Variants in ABCB7 observed in about 807,000 individuals in gnomAD.
The protein encoded by ABCB7 is ATP binding cassette subfamily B member 7.
ABCB7 carries 7 observed loss-of-function variants against 54.4 expected under a neutral mutation model. The observed-to-expected ratio is 0.13, with a 90% CI of 0.07 to 0.24. The LOEUF is 0.24. ABCB7 is among the 10% of genes least tolerant of loss of function. The pLI is 1.00. For missense variants in ABCB7, 356 were observed against 570.4 expected (o/e 0.62, Z 3.83); for synonymous variants, 218 against 207.1 (o/e 1.05, Z -0.45).
intron 4 of ABCB7, among the ~76,000 whole-genome samples, chrX:75,096,178 T>C (rs1244448626): frequency 7.1e-5 from 8 of 112,361 alleles, no homozygotes; most frequent in South Asian, 3.7e-4. Context: ...AACAATACTA[T>C]GCTAAAAATG....
At chrX:75,149,553 T>C (rs761767816) in intron 1 of ABCB7, among the ~76,000 whole-genome samples, 16 of 111,964 alleles carry the variant, frequency 1.4e-4, no homozygotes, top group Non-Finnish European at 3.0e-4. Context: ...TTTGGTTTGG[T>C]TATAGAGTTT....
At chrX:75,151,272 C>T (rs1224646226) in intron 1 of ABCB7, among the ~76,000 whole-genome samples, 1 of 111,570 alleles carries the variant, frequency 9.0e-6, no homozygotes, top group African/African-American at 3.3e-5. Context: ...AATTCCTCTT[C>T]TCAAGTCCCA....
chrX:75,137,882 A>G (rs922858636), intron 1 of ABCB7, among the ~76,000 whole-genome samples: 9 of 111,559 alleles, frequency 8.1e-5, no homozygotes, highest in African/African-American at 2.9e-4. Flanking sequence ...AGGGTAGACA[A>G]TGGGAGGAGG....
At chrX:75,056,931 A>C (rs1330545733) in intron 15 of ABCB7, among the ~76,000 whole-genome samples, 2 of 111,784 alleles carry the variant, frequency 1.8e-5, no homozygotes, top group Non-Finnish European at 1.9e-5. Flanking sequence ...AATATATTCC[A>C]CTAAGGGTAT....
At chrX:75,141,954 T>A (rs1236796879) in intron 1 of ABCB7, among the ~76,000 whole-genome samples, 1 of 111,718 alleles carries the variant, frequency 9.0e-6, no homozygotes, top group African/African-American at 3.3e-5. Flanking sequence ...AGCAACAAAA[T>A]ATATAATTAA....
At chrX:75,124,118 T>C (rs1021656847) in intron 1 of ABCB7, among the ~76,000 whole-genome samples, 4 of 111,903 alleles carry the variant, frequency 3.6e-5, no homozygotes, top group Non-Finnish European at 7.5e-5. Flanking sequence ...CTGCTCTAAA[T>C]AATTTCTAAC....
chrX:75,151,434 A>G (rs1050057698), intron 1 of ABCB7, among the ~76,000 whole-genome samples: 6 of 111,472 alleles, frequency 5.4e-5, no homozygotes, highest in Admixed American at 4.8e-4. Context: ...TTTCCTCCAC[A>G]CTACTTCCAT....
Position 75,121,186 on chromosome X carries a change from G to A in ABCB7, c.169-6355C>T, listed in dbSNP as rs763296154. ...TGCCTGTAATCCCAGCTACTCTGGT[G>A]GCTGAGGCAGGAGAATCACTTTAAC... On this transcript the variant is annotated intron_variant, in intron 1 of 15. Transcript: ENST00000373394. 1.1e-4 allele frequency among the ~76,000 whole-genome samples: 12 copies of A among 108,972 alleles called. No homozygotes were observed. In the East Asian group the frequency reaches 2.3e-3, roughly 21 times the overall value. The allele number at this position is 108,972 out of a possible 115,157, so 94.6% of individuals were successfully genotyped here. A position where few individuals can be genotyped will look rare whatever the true frequency, so the allele number is the denominator to read the frequency against.
intron 4 of ABCB7, among the ~76,000 whole-genome samples, chrX:75,095,277 T>G (rs2081581042): frequency 9.0e-6 from 1 of 111,521 alleles, no homozygotes; most frequent in Non-Finnish European, 1.9e-5. Context: ...TGCACTAAAA[T>G]CCCCAGAATA....
intron 1 of ABCB7, among the ~76,000 whole-genome samples, chrX:75,117,719 G>A (rs773586400): frequency 2.7e-5 from 3 of 111,524 alleles, no homozygotes; most frequent in African/African-American, 9.8e-5. Flanking sequence ...GGGATATGGG[G>A]ACTTTTTTCC....
intron 4 of ABCB7, among the ~76,000 whole-genome samples, chrX:75,087,980 G>C (rs1249468769): frequency 8.9e-6 from 1 of 111,824 alleles, no homozygotes. Context: ...AATCCTCTAG[G>C]AGATAAAACA....
chrX:75,079,053 T>A (rs1234950709), intron 4 of ABCB7, among the ~76,000 whole-genome samples: 1 of 111,861 alleles, frequency 8.9e-6, no homozygotes, highest in African/African-American at 3.3e-5. Flanking sequence ...GAATGACGCC[T>A]AAAACTAATG....
At chrX:75,084,387 G>A (rs780491729) in intron 4 of ABCB7, among the ~76,000 whole-genome samples, 1 of 111,818 alleles carries the variant, frequency 8.9e-6, no homozygotes, top group East Asian at 2.8e-4. Context: ...ATTCAATTTG[G>A]TGTTGGAACA....
At chrX:75,070,730 A>G (rs2081357320) in intron 9 of ABCB7, among the ~76,000 whole-genome samples, 1 of 111,076 alleles carries the variant, frequency 9.0e-6, no homozygotes, top group African/African-American at 3.3e-5. Flanking sequence ...CCACCTATAC[A>G]CTATATATAA....
rs1260282851 is a variant in ABCB7 at position 75,068,088 on chromosome X, G to C, written c.1659+919C>G. On this transcript the variant is annotated intron_variant, in intron 12 of 15. Transcript: ENST00000373394. Reference sequence around the variant, plus strand: ...ATTAACATATCCATCATCTCACACAGTTACCCAATAATTTCTCTAAATGAC... The same window carrying C: ...ATTAACATATCCATCATCTCACACACTTACCCAATAATTTCTCTAAATGAC... Among the ~76,000 whole-genome samples the C allele has an allele frequency of 3.6e-5, 4 of 111,154 alleles. No homozygotes were observed. In the Admixed American group the frequency reaches 3.8e-4, roughly 11 times the overall value.
In ABCB7 at chrX:75,137,256, T is replaced by C. The variant is rs754776048; in HGVS notation, c.168+18849A>G. ...CACTTCTCAAATGAAAACAAACACATGGCTAACAAGCATATTAACGAATAC... is the reference window on the plus strand; with the variant it reads ...CACTTCTCAAATGAAAACAAACACACGGCTAACAAGCATATTAACGAATAC... On this transcript the variant is annotated intron_variant, in intron 1 of 15. Coordinates refer to ENST00000373394, the MANE Select transcript of ABCB7 (RefSeq NM_001271696.3). Among the ~76,000 whole-genome samples, 9 of 112,159 alleles carry C rather than the reference T, an allele frequency of 8.0e-5. No homozygotes were observed. In the East Asian group the frequency reaches 2.5e-3, roughly 32 times the overall value.
intron 6 of ABCB7, 83 bp downstream of exon 6, chrX:75,075,279 C>T (rs1411245203): frequency 1.8e-6 from 2 of 1,087,618 alleles, no homozygotes; most frequent in Non-Finnish European, 2.5e-6. Context: ...CATGGGCATG[C>T]AACAGTACAA....
chrX:75,118,330 C>A (rs953503547), intron 1 of ABCB7, among the ~76,000 whole-genome samples: 1 of 110,178 alleles, frequency 9.1e-6, no homozygotes, highest in African/African-American at 3.3e-5. Context: ...TGTGAAGTTA[C>A]TTTTGGTAAA....
intron 3 of ABCB7, among the ~76,000 whole-genome samples, chrX:75,103,316 A>T (rs2081655172): frequency 9.0e-6 from 1 of 111,335 alleles, no homozygotes. Context: ...ACAGGGATTC[A>T]GTTTCATTCT....
Sources: gnomAD v4.1 joint callset for allele counts (sites outside exome capture counted in the v4.1 genomes callset) on GRCh38, gnomAD v4.1.1 for gene constraint, MANE v1.5 for transcripts, NCBI Gene and HGNC (gene_info 2026-07-23, HGNC 2026-07-21) for gene names.